Variants in DRC11 observed in about 807,000 individuals in gnomAD.
The protein encoded by DRC11 is dynein regulatory complex subunit 11, also known as IQ and AAA domain-containing protein 1.
chr2:236,358,723 C>T, the DRC11 span, among the ~76,000 whole-genome samples: 2 of 149,038 alleles, frequency 1.3e-5, no homozygotes, highest in African/African-American at 2.5e-5. Context: ...TAGGAATTAA[C>T]GTGCCCATTT....
chr2:236,408,265 C>A, the DRC11 span: 1 of 857,600 alleles, frequency 1.2e-6, no homozygotes. The surrounding 1 kb of genome is among the most constrained non-coding windows in gnomAD (Gnocchi z 5.5). Flanking sequence ...GCCTTTCTGC[C>A]CAGCACGTGC....
At chr2:236,457,975 A>C in the DRC11 span, among the ~76,000 whole-genome samples, 1 of 152,266 alleles carries the variant, frequency 6.6e-6, no homozygotes, top group Non-Finnish European at 1.5e-5. This position sits in a 1 kb window ranked among gnomAD's most constrained non-coding sequence, Gnocchi z 4.7. Flanking sequence ...TGTATAAAGC[A>C]CTTCAAATTC....
At chr2:236,340,813 G>GT in the DRC11 span, among the ~76,000 whole-genome samples, 1 of 152,160 alleles carries the variant, frequency 6.6e-6, no homozygotes, top group East Asian at 1.9e-4. Context: ...GATGACAAAC[G>GT]TTGATTCTGG....
At chr2:236,354,212 ATG>A in the DRC11 span, among the ~76,000 whole-genome samples, 3 of 66,126 alleles carry the variant, frequency 4.5e-5, no homozygotes, top group African/African-American at 7.4e-5. Context: ...GTGTCAATGT[ATG>A]TGTGTGCATG....
the DRC11 span, among the ~76,000 whole-genome samples, chr2:236,357,390 T>TAAATA: frequency 5.2e-4 from 59 of 114,006 alleles, no homozygotes; most frequent in African/African-American, 1.8e-3. Context: ...AGTATAGATA[T>TAAATA]TATATAGTAT....
At chr2:236,335,010 AAAG>A in the DRC11 span, among the ~76,000 whole-genome samples, 6,914 of 152,086 alleles carry the variant, frequency 0.045, 281 homozygotes, top group Middle Eastern at 0.14. This position sits in a 1 kb window ranked among gnomAD's most constrained non-coding sequence, Gnocchi z 5.6. Context: ...GGTCTGGGGG[AAAG>A]AAGGAGAGAT....
chr2:236,325,789 G>A, the DRC11 span, among the ~76,000 whole-genome samples: 1 of 152,106 alleles, frequency 6.6e-6, no homozygotes. This position sits in a 1 kb window ranked among gnomAD's most constrained non-coding sequence, Gnocchi z 4.4. Context: ...TTTTAGTAGA[G>A]ACGGGGTTTC....
chr2:236,493,355 C>A, the DRC11 span, among the ~76,000 whole-genome samples: 1 of 152,178 alleles, frequency 6.6e-6, no homozygotes, highest in African/African-American at 2.4e-5. Flanking sequence ...ACTCAACCTG[C>A]AATTATAAAA....
the DRC11 span, among the ~76,000 whole-genome samples, chr2:236,483,041 T>C: frequency 3.3e-5 from 5 of 152,142 alleles, no homozygotes; most frequent in Admixed American, 3.3e-4. The surrounding 1 kb of genome is among the most constrained non-coding windows in gnomAD (Gnocchi z 4.8). Context: ...ACAACTCCCC[T>C]TTTCTCCTTC....
chr2:236,338,269 T>A, the DRC11 span: 1 of 1,614,024 alleles, frequency 6.2e-7, no homozygotes, highest in Non-Finnish European at 8.5e-7. Flanking sequence ...TGCAGAAAGA[T>A]TGGAGTTCAG....
At chr2:236,478,375 T>C in the DRC11 span, among the ~76,000 whole-genome samples, 1 of 152,248 alleles carries the variant, frequency 6.6e-6, no homozygotes, top group African/African-American at 2.4e-5. The surrounding 1 kb of genome is among the most constrained non-coding windows in gnomAD (Gnocchi z 5.9). Context: ...TGTTATTGAT[T>C]TCTAGTTTTA....
At chr2:236,313,325 C>T in the DRC11 span, among the ~76,000 whole-genome samples, 1 of 152,152 alleles carries the variant, frequency 6.6e-6, no homozygotes, top group South Asian at 2.1e-4. The surrounding 1 kb of genome is among the most constrained non-coding windows in gnomAD (Gnocchi z 4.5). Flanking sequence ...TAACTTTGTA[C>T]TTGAAAATGC....
At chr2:236,395,779 A>G in the DRC11 span, among the ~76,000 whole-genome samples, 1 of 152,228 alleles carries the variant, frequency 6.6e-6, no homozygotes, top group Non-Finnish European at 1.5e-5. Context: ...TAGGATTTCT[A>G]AATCTTCTGC....
At chr2:236,476,971 T>C in the DRC11 span, among the ~76,000 whole-genome samples, 4 of 152,166 alleles carry the variant, frequency 2.6e-5, no homozygotes, top group Admixed American at 6.5e-5. This position sits in a 1 kb window ranked among gnomAD's most constrained non-coding sequence, Gnocchi z 4.7. Flanking sequence ...CTCCTTGTTG[T>C]GAATGATCTT....
chr2:236,505,305 T>A, the DRC11 span, among the ~76,000 whole-genome samples: 1 of 152,208 alleles, frequency 6.6e-6, no homozygotes. Context: ...CCGTGGGAAC[T>A]CAAAATATTG....
the DRC11 span, among the ~76,000 whole-genome samples, chr2:236,358,610 C>T: frequency 9.6e-5 from 14 of 145,314 alleles, no homozygotes; most frequent in African/African-American, 2.8e-4. Context: ...CAGGGGACAG[C>T]GGAGCGGGAA....
chr2:236,405,704 A>T, the DRC11 span, among the ~76,000 whole-genome samples: 1 of 152,176 alleles, frequency 6.6e-6, no homozygotes, highest in African/African-American at 2.4e-5. This position sits in a 1 kb window ranked among gnomAD's most constrained non-coding sequence, Gnocchi z 4.6. Flanking sequence ...CCTTTCTCCA[A>T]GGAGGATACA....
the DRC11 span, among the ~76,000 whole-genome samples, chr2:236,412,236 G>A: frequency 6.6e-6 from 1 of 152,108 alleles, no homozygotes; most frequent in Non-Finnish European, 1.5e-5. Context: ...GAGGCAGAAA[G>A]AAAACCTTCC....
chr2:236,308,990 C>G, the DRC11 span, among the ~76,000 whole-genome samples: 1 of 152,218 alleles, frequency 6.6e-6, no homozygotes, highest in East Asian at 1.9e-4. This position sits in a 1 kb window ranked among gnomAD's most constrained non-coding sequence, Gnocchi z 6.0. Context: ...TGGGGTCCAC[C>G]TTTAAGCCAA....
Sources: allele counts gnomAD v4.1 joint callset (sites outside exome capture counted in the v4.1 genomes callset), GRCh38; gene constraint gnomAD v4.1.1; non-coding constraint Gnocchi (gnomAD v3.1); transcripts MANE v1.5; gene names NCBI Gene and HGNC (gene_info 2026-07-23, HGNC 2026-07-21).